DEFB114: variants seen among roughly 807,000 people sequenced by gnomAD.
DEFB114 encodes the protein defensin beta 114.
In DEFB114, 4 loss-of-function variants were observed where a neutral mutation model predicts 2.4. That is an observed-to-expected ratio of 1.67 (90% CI 0.82 to 3.82). The LOEUF (loss-of-function observed/expected upper bound fraction) is 3.82, where lower values mean the gene tolerates loss of function less well. DEFB114 is among the 30% of genes most tolerant of loss of function. The pLI is 0.01. For synonymous variants in DEFB114, 35 were observed against 24.6 expected (o/e 1.42, Z -1.26); for missense variants, 113 against 85.8 (o/e 1.32, Z -1.25).
intron 1 of DEFB114, among the ~76,000 whole-genome samples, chr6:49,961,197 T>TA (rs551637518): frequency 6.6e-6 from 1 of 150,728 alleles, no homozygotes; most frequent in Non-Finnish European, 1.5e-5. Flanking sequence ...ATATTCAATT[T>TA]AAAAAATGTA....
At chr6:49,963,952 T>A in intron 1 of DEFB114, 99 bp downstream of exon 1, 1 of 854,004 alleles carries the variant, frequency 1.2e-6, no homozygotes, top group Non-Finnish European at 1.8e-6. Flanking sequence ...ATTTAATTGA[T>A]AAGATTGCAT....
chr6:49,964,051 C>G lies in DEFB114; in HGVS notation c.55G>C (p.Ala19Pro), dbSNP rs776883423. Reference protein sequence around the residue: ...FLCYVTFILPATCTLVNADRC... With the variant: ...FLCYVTFILPPTCTLVNADRC... ...AATATAACAGAGACATCTATCTTAC[C>G]TGGTAGAATGAAGGTCACATAACAC... Residue 19 changes from alanine to proline, a missense_variant and splice_region_variant, in exon 1 of 2, where the codon GCC (alanine) becomes CCC (proline). By Grantham distance (27) the Ala-to-Pro change is conservative. Transcript: ENST00000322066. The G allele has an allele frequency of 2.5e-6, 4 of 1,574,302 alleles. No individual in the cohort carries two copies. The highest frequency in any genetic ancestry group is 3.5e-5 in the Admixed American group (2 of 57,134).
At chr6:49,961,450 T>G (rs866886201) in intron 1 of DEFB114, among the ~76,000 whole-genome samples, 12 of 150,864 alleles carry the variant, frequency 8.0e-5, no homozygotes, top group Middle Eastern at 3.4e-3. Context: ...TTTAAATGAT[T>G]TTCACTGTAT....
chr6:49,960,558 A>G (rs1773441230), intron 1 of DEFB114, 112 bp from the exon 2 acceptor site: 2 of 1,159,790 alleles, frequency 1.7e-6, no homozygotes, highest in Non-Finnish European at 2.3e-6. Flanking sequence ...AATACCAAAA[A>G]AAAATAAATC....
At position 49,964,154 on chromosome 6, in the gene DEFB114, A is replaced by G. The variant is rs1398201890; in HGVS notation, c.-49T>C. On this transcript the variant is annotated 5_prime_UTR_variant, in exon 1 of 2. Coordinates refer to ENST00000322066, the MANE Select transcript of DEFB114 (RefSeq NM_001037499.2). ...GACTTGATAACAGAATATAGAGACT[A>G]TAGAACTTTCCAAAACCCAAAAGAC... is the stretch of plus-strand genomic sequence containing the variant. 7.3e-6 allele frequency: 10 copies of G among 1,370,704 alleles called. No homozygotes were observed. The highest frequency in any genetic ancestry group is 9.0e-6 in the Non-Finnish European group (9 of 998,958). 84.9% of individuals were successfully genotyped at this position (1,370,704 alleles called of 1,614,324 possible). A position where few individuals can be genotyped will look rare whatever the true frequency, so the allele number is the denominator to read the frequency against.
At position 49,964,136 on chromosome 6, in the gene DEFB114, T is replaced by A; in HGVS notation, c.-31A>T. On this transcript the variant is annotated 5_prime_UTR_variant, in exon 1 of 2. Coordinates refer to ENST00000322066, the MANE Select transcript of DEFB114 (RefSeq NM_001037499.2). ...AGAAAGAAGTTGTTGAAAGACTTGA[T>A]AACAGAATATAGAGACTATAGAACT... 1.5e-5 allele frequency: 22 copies of A among 1,496,488 alleles called. No homozygotes were observed. Among genetic ancestry groups the A allele is most frequent in the Admixed American group, 1.8e-5 (1 of 54,262 alleles). 92.7% of individuals were successfully genotyped at this position (1,496,488 alleles called of 1,614,324 possible). A position where few individuals can be genotyped will look rare whatever the true frequency, so the allele number is the denominator to read the frequency against.
intron 1 of DEFB114, among the ~76,000 whole-genome samples, chr6:49,962,114 G>A (rs953852370): frequency 2.7e-5 from 4 of 150,508 alleles, no homozygotes; most frequent in South Asian, 2.1e-4. Flanking sequence ...ATCCCTAAGG[G>A]TGAAATACAA....
In DEFB114 at chr6:49,960,445, G is replaced by C. The variant is rs778814322; in HGVS notation, c.57C>G (p.Ala19=). The change falls in exon 2 of 2, where the codon GCC becomes GCG. Residue 19 remains alanine, a splice_region_variant and synonymous_variant. Transcript: ENST00000322066. ...FLCYVTFILP[A]TCTLVNADRC... Reference sequence around the variant, plus strand: ...GATCAGCATTCACCAAGGTACATGTGGCTACGGTAAAAGAAGAGTAACAGA... The same window carrying C: ...GATCAGCATTCACCAAGGTACATGTCGCTACGGTAAAAGAAGAGTAACAGA... The C allele has an allele frequency of 1.2e-5, 19 of 1,581,128 alleles. No homozygotes were observed. The highest frequency in any genetic ancestry group is 1.5e-5 in the Non-Finnish European group (18 of 1,167,784).
rs566064050 is a variant in DEFB114, at chr6:49,963,793, C to G, written c.55+258G>C. On this transcript the variant is annotated intron_variant, in intron 1 of 1. Transcript: ENST00000322066. ...ATAGTTTTCTGAACAATTTAAATAT[C>G]TAGAAGAAAACTCAGTCCAAAAAAA... is the stretch of plus-strand genomic sequence containing the variant. Among the ~76,000 whole-genome samples the G allele has an allele frequency of 4.0e-5, 6 of 149,598 alleles. No individual in the cohort carries two copies. The South Asian group carries it at 6.2e-4, about 16-fold the overall frequency.
chr6:49,962,377 G>T (rs1458202638), intron 1 of DEFB114, among the ~76,000 whole-genome samples: 5 of 150,248 alleles, frequency 3.3e-5, no homozygotes, highest in Non-Finnish European at 6.0e-5. Flanking sequence ...ATTTTCTTAT[G>T]TTTACTGACC....
intron 1 of DEFB114, among the ~76,000 whole-genome samples, chr6:49,963,741 G>C (rs1773498470): frequency 6.7e-6 from 1 of 149,532 alleles, no homozygotes; most frequent in Admixed American, 6.7e-5. Context: ...TTTCACTTCT[G>C]AGACTTATAA....
Position 49,960,354 on chromosome 6 carries a change from A to C in DEFB114, c.148T>G (p.Cys50Gly). Residue 50 changes from cysteine (C) to glycine (G), a missense_variant, in exon 2 of 2, where the codon TGT (cysteine) becomes GGT (glycine). Physicochemically the swap from Cys to Gly is radical, Grantham distance 159. Coordinates refer to ENST00000322066, the MANE Select transcript of DEFB114 (RefSeq NM_001037499.2). ...CLESEKQIDI[C>G]SLPRKICCTE... ...CAGCAAATTTTTCTTGGTAAGGAACATATGTCTATTTGCTTTTCACTCTCA... is the reference window on the plus strand; with the variant it reads ...CAGCAAATTTTTCTTGGTAAGGAACCTATGTCTATTTGCTTTTCACTCTCA... The C allele has an allele frequency of 6.2e-7, 1 of 1,608,464 alleles. No individual in the cohort carries two copies.
At chr6:49,963,319 AC>A (rs1183952989) in intron 1 of DEFB114, among the ~76,000 whole-genome samples, 1 of 150,072 alleles carries the variant, frequency 6.7e-6, no homozygotes, top group Non-Finnish European at 1.5e-5. Context: ...TTTTGCCTTC[AC>A]TTTTTCTTTA....
chr6:49,960,497 A>G (rs1773440551), intron 1 of DEFB114, 51 bp from the exon 2 acceptor site: 1 of 1,526,942 alleles, frequency 6.5e-7, no homozygotes, highest in Non-Finnish European at 8.8e-7. Flanking sequence ...TTAAGCATAT[A>G]TTACTTCTGA....
At position 49,963,705 on chromosome 6, in the gene DEFB114, T is replaced by C. The variant is rs1773497766; in HGVS notation, c.55+346A>G. 1.3e-5 allele frequency among the ~76,000 whole-genome samples: 2 copies of C among 149,892 alleles called. 1 individual carries two copies. Among genetic ancestry groups the C allele is most frequent in the South Asian group, 4.1e-4 (2 of 4,820 alleles). On this transcript the variant is annotated intron_variant, in intron 1 of 1. Transcript: ENST00000322066. ...ACTGCTGTTCTCAGTTCATTCAGTT[T>C]CTCTAGGGTCTAATTACTTTCAAGC...
Position 49,960,390 on chromosome 6 carries a change from T to C in DEFB114, c.112A>G (p.Arg38Gly), listed in dbSNP as rs975992383. The change falls in exon 2 of 2, where the codon AGA (arginine) becomes GGA (glycine). Residue 38 changes from arginine (R) to glycine (G), a missense_variant. Physicochemically the swap from Arg to Gly is moderately radical, Grantham distance 125. Transcript: ENST00000322066. The part of the protein sequence containing the change: ...RCTKRYGRCK[R>G]DCLESEKQID... The stretch of plus-strand genomic sequence containing the variant: ...TGCTTTTCACTCTCAAGACAGTCTC[T>C]TTTACAACGACCGTAACGTTTGGTG... 2 of 1,608,548 alleles carry C rather than the reference T, an allele frequency of 1.2e-6. No homozygotes were observed. The highest frequency in any genetic ancestry group is 1.7e-6 in the Non-Finnish European group (2 of 1,176,672).
intron 1 of DEFB114, among the ~76,000 whole-genome samples, chr6:49,963,756 A>T (rs1297214199): frequency 6.7e-6 from 1 of 149,820 alleles, no homozygotes; most frequent in Non-Finnish European, 1.5e-5. Context: ...TTATAAATAA[A>T]TTTAATATAT....
rs1240354503 is a variant in DEFB114, at chr6:49,960,423, C to T, written c.79G>A (p.Asp27Asn). Reference sequence around the variant, plus strand: ...CGACCGTAACGTTTGGTGCAACGATCAGCATTCACCAAGGTACATGTGGCT... The same window carrying T: ...CGACCGTAACGTTTGGTGCAACGATTAGCATTCACCAAGGTACATGTGGCT... ...LPATCTLVNA[D>N]RCTKRYGRCK... The change falls in exon 2 of 2, where the codon GAT becomes AAT. Residue 27 changes from aspartate (D) to asparagine (N), a missense_variant. Asp to Asn is a conservative substitution (Grantham distance 23). Transcript: ENST00000322066. 2.5e-6 allele frequency: 4 copies of T among 1,602,044 alleles called. No individual in the cohort carries two copies. The African/African-American group carries it at 4.1e-5, about 16-fold the overall frequency.
intron 1 of DEFB114, among the ~76,000 whole-genome samples, chr6:49,963,154 G>A: frequency 6.7e-6 from 1 of 150,034 alleles, no homozygotes; most frequent in East Asian, 1.9e-4. Context: ...CTTATTTTAT[G>A]AGATCAACAA....
Sources: gnomAD v4.1 joint callset for allele counts (sites outside exome capture counted in the v4.1 genomes callset) on GRCh38, gnomAD v4.1.1 for gene constraint, MANE v1.5 for transcripts, NCBI Gene and HGNC (gene_info 2026-07-23, HGNC 2026-07-21) for gene names.